RANBP2: variants seen among roughly 807,000 people sequenced by gnomAD.
RANBP2 encodes E3 SUMO-protein ligase RanBP2.
A neutral mutation model predicts 303.6 loss-of-function variants in RANBP2; 57 were observed. The observed-to-expected ratio is 0.19, with a 90% confidence interval of 0.15 to 0.23. The LOEUF is 0.23. Among genes scored for constraint, RANBP2 ranks in the 10% least tolerant of loss-of-function variants. RANBP2 has a pLI of 1.00. For missense variants in RANBP2, 3,138 were observed against 3,780.8 expected, an observed-to-expected ratio of 0.83 and a Z score of 4.46; for synonymous variants, 1,167 against 1,301.5, an observed-to-expected ratio of 0.90 and a Z score of 2.23.
At chr2:109,773,171 G>A in the RANBP2 span, among the ~76,000 whole-genome samples, 2 of 151,836 alleles carry the variant, frequency 1.3e-5, no homozygotes, top group South Asian at 2.1e-4. Flanking sequence ...TGTCTAGGAC[G>A]GAGGAGGAGA....
At chr2:109,602,306 AATTAAG>A in the RANBP2 span, among the ~76,000 whole-genome samples, 26,094 of 152,058 alleles carry the variant, frequency 0.17, 2,524 homozygotes, top group African/African-American at 0.27. Context: ...AGGACAATAA[AATTAAG>A]ATTAAGACAA....
the RANBP2 span, among the ~76,000 whole-genome samples, chr2:108,792,901 A>G: frequency 2.7e-5 from 4 of 150,522 alleles, no homozygotes; most frequent in South Asian, 8.4e-4. Flanking sequence ...TGTCTCTACT[A>G]AAAATACAAA....
chr2:109,130,872 T>G, the RANBP2 span, among the ~76,000 whole-genome samples: 3 of 152,198 alleles, frequency 2.0e-5, no homozygotes, highest in Non-Finnish European at 4.4e-5. Context: ...TTTAAAAGCT[T>G]CTTACAGCTT....
the RANBP2 span, among the ~76,000 whole-genome samples, chr2:109,189,230 G>C: frequency 6.6e-6 from 1 of 151,942 alleles, no homozygotes; most frequent in African/African-American, 2.4e-5. Flanking sequence ...GGTGTGTTCA[G>C]AAGGAGGTGG....
chr2:109,473,278 T>C, the RANBP2 span, among the ~76,000 whole-genome samples: 2 of 152,142 alleles, frequency 1.3e-5, no homozygotes, highest in Admixed American at 1.3e-4. Context: ...GGAGCTGGGG[T>C]TGGGCCCTGC....
chr2:108,964,283 C>T, the RANBP2 span, among the ~76,000 whole-genome samples: 1 of 152,102 alleles, frequency 6.6e-6, no homozygotes, highest in Non-Finnish European at 1.5e-5. Flanking sequence ...CTGAGGTCCA[C>T]CGGTGACCTG....
At chr2:108,983,999 G>A in the RANBP2 span, among the ~76,000 whole-genome samples, 130 of 152,342 alleles carry the variant, frequency 8.5e-4, no homozygotes, top group Non-Finnish European at 1.7e-3. Flanking sequence ...GGGCGACGGC[G>A]ATGTCTGTTG....
the RANBP2 span, among the ~76,000 whole-genome samples, chr2:108,822,909 C>G: frequency 6.6e-6 from 1 of 151,868 alleles, no homozygotes; most frequent in Admixed American, 6.6e-5. Context: ...AAACCGCTAG[C>G]TAGATGAAGG....
At chr2:108,898,597 AAATC>A in the RANBP2 span, among the ~76,000 whole-genome samples, 2 of 152,222 alleles carry the variant, frequency 1.3e-5, no homozygotes, top group Non-Finnish European at 2.9e-5. Context: ...TAAAAAAAGA[AAATC>A]AATAGATGCT....
the RANBP2 span, among the ~76,000 whole-genome samples, chr2:109,679,942 C>T: frequency 6.6e-6 from 1 of 152,148 alleles, no homozygotes; most frequent in South Asian, 2.1e-4. Context: ...CCACCCTGCC[C>T]ATCTTGTGAG....
chr2:109,208,554 C>T, the RANBP2 span, among the ~76,000 whole-genome samples: 4 of 152,206 alleles, frequency 2.6e-5, no homozygotes, highest in East Asian at 1.9e-4. Context: ...CAGCACCAAC[C>T]GACCCACCTG....
the RANBP2 span, among the ~76,000 whole-genome samples, chr2:109,426,877 A>G: frequency 3.9e-5 from 6 of 152,168 alleles, no homozygotes; most frequent in African/African-American, 1.4e-4. Flanking sequence ...GTCAGCAACT[A>G]TTCACATCAA....
the RANBP2 span, among the ~76,000 whole-genome samples, chr2:109,238,458 TG>T: frequency 2.5e-5 from 1 of 40,740 alleles, no homozygotes; most frequent in African/African-American, 1.6e-4. Context: ...TTTGTGTGTG[TG>T]TGTGTGTGTG....
chr2:109,614,329 G>T, the RANBP2 span: 4 of 644,748 alleles, frequency 6.2e-6, no homozygotes, highest in Non-Finnish European at 4.3e-6. Context: ...GCCCGGGCGC[G>T]GCCCAGTGAG....
chr2:109,164,084 G>T, the RANBP2 span, among the ~76,000 whole-genome samples: 2 of 152,114 alleles, frequency 1.3e-5, no homozygotes, highest in Non-Finnish European at 2.9e-5. Flanking sequence ...CTGGCTGTGG[G>T]GGATGGAGGA....
the RANBP2 span, chr2:109,449,113 G>C: frequency 2.6e-6 from 4 of 1,558,170 alleles, no homozygotes; most frequent in Non-Finnish European, 3.5e-6. Context: ...TGCCTGGCAG[G>C]CATGGCAAGT....
chr2:108,946,627 T>A, the RANBP2 span, among the ~76,000 whole-genome samples: 1 of 152,160 alleles, frequency 6.6e-6, no homozygotes, highest in Non-Finnish European at 1.5e-5. Context: ...CTTACAGTCA[T>A]AGCAGAAGGC....
At chr2:109,766,513 T>C in the RANBP2 span, among the ~76,000 whole-genome samples, 1 of 150,504 alleles carries the variant, frequency 6.6e-6, no homozygotes, top group African/African-American at 2.4e-5. Context: ...CTTGATGACG[T>C]TGAAGATGAG....
the RANBP2 span, chr2:109,733,234 C>T: frequency 1.2e-5 from 4 of 340,144 alleles, no homozygotes; most frequent in South Asian, 8.0e-5. Flanking sequence ...TATTCACAAT[C>T]GAATGGAATT....
Sources: allele counts gnomAD v4.1 joint callset (sites outside exome capture counted in the v4.1 genomes callset), GRCh38; gene constraint gnomAD v4.1.1; transcripts MANE v1.5; gene names NCBI Gene and HGNC (gene_info 2026-07-23, HGNC 2026-07-21).